Variants in SLC8A1 observed in about 807,000 individuals in gnomAD.
SLC8A1 encodes the protein sodium/calcium exchanger 1.
SLC8A1 carries 18 observed loss-of-function variants against 68.3 expected under a neutral mutation model. That is an observed-to-expected ratio of 0.26 (90% CI 0.18 to 0.39). The LOEUF is 0.39. Ranked by LOEUF, SLC8A1 falls within the 10% of genes least tolerant of loss-of-function variation. The pLI is 1.00. For synonymous variants in SLC8A1, 475 were observed against 415.5 expected (o/e 1.14, Z -1.74); for missense variants, 985 against 1,156.7 (o/e 0.85, Z 2.15).
intron 2 of SLC8A1, among the ~76,000 whole-genome samples, chr2:40,260,905 G>C (rs2064610902): frequency 6.6e-6 from 1 of 152,030 alleles, no homozygotes; most frequent in Non-Finnish European, 1.5e-5. Context: ...TTTCCTTCAA[G>C]AACTTTTCAT....
intron 2 of SLC8A1, among the ~76,000 whole-genome samples, chr2:40,245,597 A>C (rs921656396): frequency 6.6e-6 from 1 of 152,190 alleles, no homozygotes; most frequent in African/African-American, 2.4e-5. Context: ...GATCCACTTG[A>C]ACCACTGAAT....
chr2:40,160,645 C>G (rs1034952961), intron 6 of SLC8A1, 120 bp downstream of exon 9: 2 of 783,456 alleles, frequency 2.6e-6, no homozygotes, highest in African/African-American at 3.5e-5. Flanking sequence ...AAACTTATTT[C>G]TCCCTTAATT....
exon 8 of SLC8A1, chr2:40,115,109 G>C (rs190612619): frequency 3.8e-4 from 201 of 522,394 alleles, no homozygotes; most frequent in Admixed American, 2.7e-3. Flanking sequence ...TTTTTACTTC[G>C]GCCCTAGTAC....
chr2:40,472,589 C>A (rs1704053831), intron 1 of SLC8A1, among the ~76,000 whole-genome samples: 1 of 152,132 alleles, frequency 6.6e-6, no homozygotes, highest in Non-Finnish European at 1.5e-5. Context: ...GTCTCAAACT[C>A]ACTCCTTGCT....
chr2:40,448,492 T>C (rs1397060439), intron 1 of SLC8A1, among the ~76,000 whole-genome samples: 1 of 152,160 alleles, frequency 6.6e-6, no homozygotes, highest in Non-Finnish European at 1.5e-5. Flanking sequence ...GCTATATCTC[T>C]AGGGAACAGA....
Position 40,384,796 on chromosome 2 carries a change from G to C in SLC8A1, c.1808+43677C>G, listed in dbSNP as rs558333617. Among the ~76,000 whole-genome samples, 14 of 152,092 alleles carry C rather than the reference G, an allele frequency of 9.2e-5. No homozygotes were observed. In the South Asian group the frequency reaches 2.9e-3, roughly 32 times the overall value. On this transcript the variant is annotated intron_variant, in intron 2 of 7. Coordinates refer to ENST00000406785, the Ensembl canonical transcript of SLC8A1. ...CATTTGGGCATTTAAAAATGTATTA[G>C]CTTTTACAATTTTTTCCCGGCATTT...
At position 40,253,280 on chromosome 2, in the gene SLC8A1, GTA is replaced by G. The variant is rs1491265488; in HGVS notation, c.1809-75427_1809-75426del. ...ATACATATATACATGTACATATGAC[GTA>G]TATATGTGTATATACACATATATAC... On this transcript the variant is annotated intron_variant, in intron 2 of 7. Coordinates refer to ENST00000406785, the Ensembl canonical transcript of SLC8A1. Among the ~76,000 whole-genome samples, 45 of 147,984 alleles carry G rather than the reference GTA, an allele frequency of 3.0e-4. 1 individual carries two copies. Among genetic ancestry groups the G allele is most frequent in the African/African-American group, 1.0e-3 (40 of 39,518 alleles).
At chr2:40,396,692 G>A (rs1687002472) in intron 2 of SLC8A1, among the ~76,000 whole-genome samples, 1 of 137,004 alleles carries the variant, frequency 7.3e-6, no homozygotes, top group Admixed American at 7.8e-5. Context: ...ACTAGTCTAA[G>A]TGAGCTTTTA....
At chr2:40,105,021 G>A (rs902368708) in exon 8 of SLC8A1, 1 of 152,098 alleles carries the variant, frequency 6.6e-6, no homozygotes, top group Non-Finnish European at 1.5e-5. Context: ...TACAAAACTT[G>A]TGGATCCATC....
At position 40,498,370 on chromosome 2, in the gene SLC8A1, A is replaced by C. The variant is rs984507272; in HGVS notation, c.-25+13979T>G. Among the ~76,000 whole-genome samples the C allele has an allele frequency of 4.3e-4, 65 of 152,110 alleles. 1 individual carries two copies. Among genetic ancestry groups the C allele is most frequent in the Middle Eastern group, 3.2e-3 (1 of 316 alleles). ...ATATGCCAATGTATTAAAGCTTTTT[A>C]AAAGAGAACATTGAACCAATCAGTA... On this transcript the variant is annotated intron_variant, in intron 1 of 7. Transcript: ENST00000402441.
chr2:40,169,178 C>T (rs568048458), intron 4 of SLC8A1, among the ~76,000 whole-genome samples: 2 of 152,312 alleles, frequency 1.3e-5, no homozygotes, highest in Admixed American at 1.3e-4. Context: ...AACAACACAA[C>T]CCATAAGGTC....
intron 2 of SLC8A1, among the ~76,000 whole-genome samples, chr2:40,207,212 G>A (rs2055619556): frequency 6.6e-6 from 1 of 152,016 alleles, no homozygotes; most frequent in South Asian, 2.1e-4. Flanking sequence ...TAAAGATGAT[G>A]TGACTCCTAC....
At chr2:40,273,734 C>T (rs921211233) in intron 2 of SLC8A1, among the ~76,000 whole-genome samples, 3 of 152,130 alleles carry the variant, frequency 2.0e-5, no homozygotes, top group African/African-American at 7.2e-5. Flanking sequence ...CTAGGTCAGT[C>T]TGATTTTATC....
intron 2 of SLC8A1, among the ~76,000 whole-genome samples, chr2:40,253,083 A>C (rs923473602): frequency 1.4e-5 from 2 of 144,684 alleles, no homozygotes; most frequent in Non-Finnish European, 3.0e-5. Context: ...TATGTGTATA[A>C]ATGTATATAG....
At chr2:40,287,410 A>T (rs1347189179) in intron 2 of SLC8A1, among the ~76,000 whole-genome samples, 2 of 152,074 alleles carry the variant, frequency 1.3e-5, no homozygotes, top group Non-Finnish European at 2.9e-5. Context: ...GCACTCACAG[A>T]AGCTGACATT....
chr2:40,249,963 C>G (rs763377609), intron 2 of SLC8A1, among the ~76,000 whole-genome samples: 1 of 152,110 alleles, frequency 6.6e-6, no homozygotes, highest in Non-Finnish European at 1.5e-5. Flanking sequence ...AAGTAAACAT[C>G]CAAATCTATT....
intron 1 of SLC8A1, among the ~76,000 whole-genome samples, chr2:40,504,626 A>G (rs1373284144): frequency 1.3e-5 from 2 of 152,024 alleles, no homozygotes; most frequent in African/African-American, 2.4e-5. Context: ...ACATTCTAAT[A>G]ATCAGATTTT....
At chr2:40,305,980 G>A (rs2072509032) in intron 2 of SLC8A1, among the ~76,000 whole-genome samples, 1 of 152,130 alleles carries the variant, frequency 6.6e-6, no homozygotes, top group Admixed American at 6.6e-5. Context: ...TTGTTGCTTG[G>A]CACATCTTAA....
rs534712047 is a variant in SLC8A1 at position 40,366,485 on chromosome 2, A to G, written c.1808+61988T>C. Among the ~76,000 whole-genome samples the G allele has an allele frequency of 5.9e-5, 9 of 152,234 alleles. No individual in the cohort carries two copies. The South Asian group carries it at 1.7e-3, about 28-fold the overall frequency. On this transcript the variant is annotated intron_variant, in intron 2 of 7. Coordinates refer to ENST00000406785, the Ensembl canonical transcript of SLC8A1. ...TGGAATAATATGTCAGAAATGCTTT[A>G]TAAATTATAAGGTGTGAAATAAATG...
Sources: allele counts gnomAD v4.1 joint callset (sites outside exome capture counted in the v4.1 genomes callset), GRCh38; gene constraint gnomAD v4.1.1; transcripts MANE v1.5; gene names NCBI Gene and HGNC (gene_info 2026-07-23, HGNC 2026-07-21).